The following ARL15 variants were observed in gnomAD, a reference collection of about 807,000 sequenced individuals.
ARL15 encodes ARF like GTPase 15.
ARL15 carries 19 observed loss-of-function variants against 25.2 expected under a neutral mutation model. The ratio of observed to expected loss-of-function variants is 0.75; its 90% confidence interval spans 0.53 to 1.10. ARL15 has a LOEUF of 1.10. Ranked by LOEUF, ARL15 falls within the 50% of genes least tolerant of loss-of-function variation. ARL15 has a pLI of 0.00. For synonymous variants in ARL15, 94 were observed against 86.8 expected, an observed-to-expected ratio of 1.08 and a Z score of -0.46; for missense variants, 220 against 246.0, an observed-to-expected ratio of 0.89 and a Z score of 0.71.
intron 4 of ARL15, among the ~76,000 whole-genome samples, chr5:54,053,437 C>G (rs1750760736): frequency 6.6e-6 from 1 of 151,878 alleles, no homozygotes; most frequent in African/African-American, 2.4e-5. Context: ...TAACTACTCT[C>G]TAAGTATGGC....
intron 1 of ARL15, among the ~76,000 whole-genome samples, chr5:54,245,015 A>G (rs1205958080): frequency 6.6e-6 from 1 of 152,152 alleles, no homozygotes; most frequent in Non-Finnish European, 1.5e-5. Context: ...ACCAGAATCA[A>G]TTCAGCGGGA....
chr5:53,977,850 G>GC (rs1317485921), intron 4 of ARL15, among the ~76,000 whole-genome samples: 46 of 142,574 alleles, frequency 3.2e-4, no homozygotes, highest in Admixed American at 5.1e-4. Context: ...CCGGTCCTCT[G>GC]CCCCCCCGCC....
intron 4 of ARL15, among the ~76,000 whole-genome samples, chr5:53,985,017 C>T (rs1299802535): frequency 6.6e-6 from 1 of 152,184 alleles, no homozygotes; most frequent in Admixed American, 6.5e-5. Context: ...GAACTTTCTA[C>T]TTATCTATGT....
chr5:54,165,731 C>A (rs942900747), intron 2 of ARL15, among the ~76,000 whole-genome samples: 1 of 126,266 alleles, frequency 7.9e-6, no homozygotes, highest in Non-Finnish European at 1.6e-5. Context: ...TAAATATATA[C>A]CTTTGTTTAT....
chr5:54,116,958 A>G (rs1752918104), intron 3 of ARL15, among the ~76,000 whole-genome samples: 1 of 152,230 alleles, frequency 6.6e-6, no homozygotes, highest in South Asian at 2.1e-4. Context: ...AGGTAAGTTA[A>G]TGCCCACATA....
intron 4 of ARL15, among the ~76,000 whole-genome samples, chr5:53,958,734 T>C (rs527626789): frequency 5.4e-4 from 82 of 152,252 alleles, no homozygotes; most frequent in African/African-American, 1.9e-3. Context: ...AGATATTGTA[T>C]GCACATAGTG....
intron 4 of ARL15, among the ~76,000 whole-genome samples, chr5:53,907,177 C>T (rs907107191): frequency 4.6e-5 from 7 of 151,968 alleles, no homozygotes; most frequent in Admixed American, 2.0e-4. Flanking sequence ...TACATGGCCA[C>T]CATACCTTGA....
chr5:54,220,684 G>A (rs62372192), intron 1 of ARL15, among the ~76,000 whole-genome samples: 5,500 of 152,194 alleles, frequency 0.036, 140 homozygotes, highest in Non-Finnish European at 0.057. Context: ...TTTCCTACAA[G>A]TTTGTTTACT....
chr5:54,281,930 G>A lies in ARL15; in HGVS notation c.48+28502C>T, dbSNP rs112520195. The stretch of plus-strand genomic sequence containing the variant: ...TATTTTTGCTGCTGTATTGTAATCC[G>A]TTAAATTAAAACTCCATAATTGTTT... On this transcript the variant is annotated intron_variant, in intron 1 of 4. Transcript: ENST00000504924. Among the ~76,000 whole-genome samples, 282 of 152,228 alleles carry A rather than the reference G, an allele frequency of 1.9e-3. 1 individual carries two copies. The highest frequency in any genetic ancestry group is 6.4e-3 in the African/African-American group (267 of 41,536).
intron 1 of ARL15, among the ~76,000 whole-genome samples, chr5:54,218,991 T>C (rs1756298284): frequency 6.6e-6 from 1 of 152,020 alleles, no homozygotes; most frequent in Admixed American, 6.6e-5. Context: ...TGCTGTTTTT[T>C]TTTTTTTTAA....
intron 2 of ARL15, among the ~76,000 whole-genome samples, chr5:54,161,292 G>A (rs567502907): frequency 2.0e-5 from 3 of 151,994 alleles, no homozygotes; most frequent in Non-Finnish European, 2.9e-5. Context: ...ATTGCCAGTG[G>A]CATAATTACT....
At chr5:54,041,298 G>C (rs890153019) in intron 4 of ARL15, among the ~76,000 whole-genome samples, 3 of 152,122 alleles carry the variant, frequency 2.0e-5, no homozygotes, top group Admixed American at 6.5e-5. Context: ...TTTTTCCAAA[G>C]GCTGTTTAAT....
chr5:54,274,718 G>A (rs1338562304), intron 1 of ARL15, among the ~76,000 whole-genome samples: 2 of 152,078 alleles, frequency 1.3e-5, no homozygotes, highest in African/African-American at 4.8e-5. Context: ...CCAACATGGT[G>A]AAACCCCGAC....
At chr5:54,303,365 A>T (rs1017023185) in intron 1 of ARL15, among the ~76,000 whole-genome samples, 3 of 152,116 alleles carry the variant, frequency 2.0e-5, no homozygotes, top group African/African-American at 4.8e-5. Flanking sequence ...CTACCAAAAA[A>T]TACAAAAACT....
At chr5:54,229,315 C>A (rs1756605016) in intron 1 of ARL15, among the ~76,000 whole-genome samples, 2 of 152,120 alleles carry the variant, frequency 1.3e-5, no homozygotes, top group South Asian at 4.1e-4. Context: ...TTACAACATG[C>A]ACCTTGAGAT....
At chr5:54,261,665 T>C (rs1002118147) in intron 1 of ARL15, among the ~76,000 whole-genome samples, 17 of 152,170 alleles carry the variant, frequency 1.1e-4, no homozygotes, top group African/African-American at 4.1e-4. Context: ...GTCCTTTATA[T>C]TCATACAGCA....
chr5:54,113,307 A>G lies in ARL15; in HGVS notation c.357T>C (p.Ala119=). 6.2e-7 allele frequency: 1 copy of G among 1,614,000 alleles called. No homozygotes were observed. The highest frequency in any genetic ancestry group is 8.5e-7 in the Non-Finnish European group (1 of 1,179,880). ...GAAGAGCTGAGTGCAGCTCATTTCT[A>G]GCAGCTTCTAAATCATCCTCTGAAG... The part of the protein sequence containing the change: ...SASSEDDLEA[A]RNELHSALQH... Residue 119 remains alanine (A), a synonymous_variant, in exon 4 of 5, where the codon GCT becomes GCC. Coordinates refer to ENST00000504924, the MANE Select transcript of ARL15 (RefSeq NM_019087.3).
chr5:54,113,434 C>T (rs769181863), intron 3 of ARL15, 24 bp from the exon 4 acceptor site: 12 of 1,602,884 alleles, frequency 7.5e-6, no homozygotes, highest in African/African-American at 2.7e-5. Context: ...AACAAATTTT[C>T]GTTTTAAAAA....
intron 4 of ARL15, among the ~76,000 whole-genome samples, chr5:53,901,841 G>C (rs890863506): frequency 6.6e-6 from 1 of 152,138 alleles, no homozygotes; most frequent in Non-Finnish European, 1.5e-5. Flanking sequence ...TTCCTCCTTT[G>C]CCTTGCTAAA....
Sources: allele counts gnomAD v4.1 joint callset (sites outside exome capture counted in the v4.1 genomes callset), GRCh38; gene constraint gnomAD v4.1.1; transcripts MANE v1.5; gene names NCBI Gene and HGNC (gene_info 2026-07-23, HGNC 2026-07-21).